PTP4A1: variants seen among roughly 807,000 people sequenced by gnomAD.
PTP4A1 encodes the protein protein tyrosine phosphatase type IVA 1.
PTP4A1 carries 9 observed loss-of-function variants against 20.5 expected under a neutral mutation model. The observed-to-expected ratio is 0.44, with a 90% CI of 0.26 to 0.77. The LOEUF is 0.77. Ranked by LOEUF, PTP4A1 falls within the 30% of genes least tolerant of loss-of-function variation. The probability of loss-of-function intolerance (pLI) is 0.19; values close to 1 mark genes in which losing one functional copy is unlikely to be tolerated. For missense variants in PTP4A1, 137 were observed against 218.8 expected (o/e 0.63, Z 2.36); for synonymous variants, 78 against 67.4 (o/e 1.16, Z -0.77).
intron 2 of PTP4A1, among the ~76,000 whole-genome samples, chr6:63,538,749 A>G (rs56950873): frequency 0.086 from 13,155 of 152,286 alleles, 610 homozygotes; most frequent in East Asian, 0.16. Flanking sequence ...TTGTTAAAAC[A>G]CAGACTGATG....
chr6:63,551,147 C>G lies in PTP4A1; in HGVS notation c.-446+654C>G, dbSNP rs1381176143. ...GTTGCTCAATCTCTGCTCACTGCAA[C>G]CTCTGCTTTCCAGGTTCAAGTGATT... On this transcript the variant is annotated intron_variant, in intron 3 of 3. Coordinates refer to the PTP4A1 transcript ENST00000639568. Among the ~76,000 whole-genome samples, 4 of 152,068 alleles carry G rather than the reference C, an allele frequency of 2.6e-5. 1 individual carries two copies. The highest frequency in any genetic ancestry group is 5.9e-5 in the Non-Finnish European group (4 of 68,026).
chr6:63,544,667 G>C (rs546646167), intron 2 of PTP4A1, among the ~76,000 whole-genome samples: 1 of 152,082 alleles, frequency 6.6e-6, no homozygotes, highest in Non-Finnish European at 1.5e-5. Context: ...TTTCTGATTA[G>C]TACAAGCCAA....
intron 2 of PTP4A1, among the ~76,000 whole-genome samples, chr6:63,541,033 G>T (rs28759030): frequency 6.7e-6 from 1 of 149,562 alleles, no homozygotes; most frequent in South Asian, 2.1e-4. Context: ...AAGAAAGGAA[G>T]GAAGGAAGGA....
At chr6:63,550,498 G>C (rs1376190745) in intron 3 of PTP4A1, 1 of 152,192 alleles carries the variant, frequency 6.6e-6, no homozygotes, top group Non-Finnish European at 1.5e-5. Context: ...AGAGGGGTGA[G>C]TAGGCCACAC....
intron 2 of PTP4A1, among the ~76,000 whole-genome samples, chr6:63,533,994 C>T (rs1043341306): frequency 2.0e-5 from 3 of 151,964 alleles, no homozygotes; most frequent in Non-Finnish European, 2.9e-5. Context: ...CAGGTGCACA[C>T]CACCATGCCT....
At chr6:63,567,956 C>A (rs1436601447), upstream of PTP4A1, among the ~76,000 whole-genome samples, 1 of 152,232 alleles carries the variant, frequency 6.6e-6, no homozygotes, top group East Asian at 1.9e-4. Context: ...TATCTTCAGA[C>A]TTTTCTTCTA....
rs74484929 is a variant in PTP4A1, at chr6:63,565,224, C to T, written c.-445-11212C>T. Among the ~76,000 whole-genome samples, 561 of 151,766 alleles carry T rather than the reference C, an allele frequency of 3.7e-3. 3 individuals are homozygous for T. Among genetic ancestry groups the T allele is most frequent in the African/African-American group, 0.013 (532 of 41,382 alleles). On this transcript the variant is annotated intron_variant, in intron 3 of 3. Coordinates refer to the PTP4A1 transcript ENST00000639568. ...ACAGGGTCTGACTGTGTTGCCCAGG[C>T]GGTATCTGTCACATCTTAATACACA...
chr6:63,532,918 T>C (rs1363550206), intron 2 of PTP4A1, among the ~76,000 whole-genome samples: 1 of 152,210 alleles, frequency 6.6e-6, no homozygotes. Flanking sequence ...AATTAATGTA[T>C]TGCACTAAGG....
intron 3 of PTP4A1, among the ~76,000 whole-genome samples, chr6:63,560,058 C>T (rs1776868246): frequency 6.6e-6 from 1 of 152,146 alleles, no homozygotes; most frequent in South Asian, 2.1e-4. Context: ...CATTTCATAA[C>T]ATATCTAACC....
chr6:63,541,361 T>C (rs1335277724), intron 2 of PTP4A1, among the ~76,000 whole-genome samples: 1 of 151,984 alleles, frequency 6.6e-6, no homozygotes, highest in African/African-American at 2.4e-5. Flanking sequence ...AAGAGCAGCC[T>C]GGCCAACATA....
chr6:63,531,664 T>A (rs566888008), intron 2 of PTP4A1, among the ~76,000 whole-genome samples: 1 of 152,022 alleles, frequency 6.6e-6, no homozygotes, highest in African/African-American at 2.4e-5. Context: ...CAATATTTCA[T>A]ACTTTTTTGT....
At chr6:63,565,185 T>G (rs1284593084) in intron 3 of PTP4A1, among the ~76,000 whole-genome samples, 3 of 152,060 alleles carry the variant, frequency 2.0e-5, no homozygotes, top group African/African-American at 7.2e-5. Context: ...GATAATTTTT[T>G]TTTTTTTGTA....
chr6:63,533,727 A>G (rs1234409594), intron 2 of PTP4A1, among the ~76,000 whole-genome samples: 1 of 152,214 alleles, frequency 6.6e-6, no homozygotes, highest in South Asian at 2.1e-4. Flanking sequence ...AGAAGGAGGC[A>G]TATAGACTAA....
Position 63,576,554 on chromosome 6 carries a change from C to G in PTP4A1, c.-327C>G, listed in dbSNP as rs977897228. On this transcript the variant is annotated 5_prime_UTR_variant, in exon 2 of 6. Coordinates refer to ENST00000626021, the MANE Select transcript of PTP4A1 (RefSeq NM_003463.5). Reference sequence around the variant, plus strand: ...TGAACTGTAGAAACTGATTACTGCTCCACCAAGAAGCCCCCATAAGAGTGG... The same window carrying G: ...TGAACTGTAGAAACTGATTACTGCTGCACCAAGAAGCCCCCATAAGAGTGG... 4.5e-6 allele frequency: 2 copies of G among 443,380 alleles called. No homozygotes were observed. The highest frequency in any genetic ancestry group is 4.1e-5 in the African/African-American group (2 of 48,932). The allele number at this position is 443,380 out of a possible 1,614,324, so 27.5% of individuals were successfully genotyped here.
At chr6:63,523,114 C>T (rs1455472720) in intron 1 of PTP4A1, among the ~76,000 whole-genome samples, 1 of 151,992 alleles carries the variant, frequency 6.6e-6, no homozygotes, top group Non-Finnish European at 1.5e-5. Flanking sequence ...GACCTGCCCA[C>T]CTCAGCCTCC....
intron 2 of PTP4A1, among the ~76,000 whole-genome samples, chr6:63,529,712 G>A (rs1215625732): frequency 2.0e-5 from 3 of 152,130 alleles, no homozygotes; most frequent in African/African-American, 7.2e-5. Context: ...TGGAGGAAAA[G>A]GTTATGCATT....
rs144673216 is a variant in PTP4A1 at position 63,534,668 on chromosome 6, C to T, written c.-640+6584C>T. Among the ~76,000 whole-genome samples the T allele has an allele frequency of 5.9e-3, 893 of 151,978 alleles. 9 individuals are homozygous for T. The highest frequency in any genetic ancestry group is 0.028 in the South Asian group (135 of 4,814). On this transcript the variant is annotated intron_variant, in intron 2 of 3. Transcript: ENST00000639568. ...CTAAAAAATAATAATAAAATTGTCA[C>T]CAGGCACGGTGGCTCATGCCTGTAA...
At chr6:63,521,178 A>C (rs1774913174), upstream of PTP4A1, among the ~76,000 whole-genome samples, 2 of 152,176 alleles carry the variant, frequency 1.3e-5, no homozygotes, top group East Asian at 1.9e-4. Context: ...ATGTATACCT[A>C]TGTAACAAAC....
At chr6:63,537,921 G>A (rs1775792457) in intron 2 of PTP4A1, among the ~76,000 whole-genome samples, 2 of 152,224 alleles carry the variant, frequency 1.3e-5, no homozygotes, top group Admixed American at 1.3e-4. Flanking sequence ...GGCAGGCCCA[G>A]ACAGGAGTTT....
Sources: gnomAD v4.1 joint callset for allele counts (sites outside exome capture counted in the v4.1 genomes callset) on GRCh38, gnomAD v4.1.1 for gene constraint, MANE v1.5 for transcripts, NCBI Gene and HGNC (gene_info 2026-07-23, HGNC 2026-07-21) for gene names.